The following KLHDC4 variants were observed in gnomAD, a reference collection of about 807,000 sequenced individuals.
KLHDC4 encodes kelch domain containing 4.
In KLHDC4, 90 loss-of-function variants were observed where a neutral mutation model predicts 62.4. The observed-to-expected ratio is 1.44, with a 90% CI of 1.22 to 1.72. KLHDC4 has a LOEUF of 1.72. KLHDC4 is among the 40% of genes most tolerant of loss of function. The pLI is 0.00. For missense variants in KLHDC4, 1,025 were observed against 699.7 expected, an observed-to-expected ratio of 1.47 and a Z score of -5.25; for synonymous variants, 386 against 284.4, an observed-to-expected ratio of 1.36 and a Z score of -3.59.
At chr16:87,748,593 G>A in intron 5 of KLHDC4, 80 bp downstream of exon 5, 1 of 1,562,466 alleles carries the variant, frequency 6.4e-7, no homozygotes, top group South Asian at 1.2e-5. Context: ...GTATTCTGAG[G>A]TCTGCTCCGA....
chr16:87,715,117 G>A (rs2036683509), intron 7 of KLHDC4, among the ~76,000 whole-genome samples: 1 of 152,168 alleles, frequency 6.6e-6, no homozygotes, highest in African/African-American at 2.4e-5. Flanking sequence ...CTGTTCCCCA[G>A]CACCCATGCC....
chr16:87,706,428 G>A (rs957025216), downstream of KLHDC4, among the ~76,000 whole-genome samples: 1 of 142,492 alleles, frequency 7.0e-6, no homozygotes. Flanking sequence ...GCAGCCTCCA[G>A]GGGGGTCGGC....
chr16:87,725,390 C>T (rs2039174635), intron 7 of KLHDC4, among the ~76,000 whole-genome samples: 1 of 152,178 alleles, frequency 6.6e-6, no homozygotes, highest in South Asian at 2.1e-4. Flanking sequence ...TGGTCTCGAT[C>T]TCTTGACCTC....
At chr16:87,718,923 T>C (rs1247454635) in intron 7 of KLHDC4, among the ~76,000 whole-genome samples, 1 of 150,066 alleles carries the variant, frequency 6.7e-6, no homozygotes, top group Non-Finnish European at 1.5e-5. Flanking sequence ...CGCCACCCTG[T>C]CTGGGAGGTG....
At chr16:87,727,860 C>T (rs1459568583) in intron 6 of KLHDC4, among the ~76,000 whole-genome samples, 2 of 152,124 alleles carry the variant, frequency 1.3e-5, no homozygotes, top group African/African-American at 2.4e-5. Context: ...AGTCACAGGG[C>T]GTTTACCCAG....
At position 87,765,960 on chromosome 16, in the gene KLHDC4, G is replaced by C. The variant is rs1439492335; in HGVS notation, c.-70C>G. 4.2e-6 allele frequency: 6 copies of C among 1,440,898 alleles called. No homozygotes were observed. Among genetic ancestry groups the C allele is most frequent in the African/African-American group, 1.4e-5 (1 of 70,872 alleles). The allele number at this position is 1,440,898 out of a possible 1,614,324, so 89.3% of individuals were successfully genotyped here. A position where few individuals can be genotyped will look rare whatever the true frequency, so the allele number is the denominator to read the frequency against. On this transcript the variant is annotated 5_prime_UTR_variant, in exon 1 of 12. Transcript: ENST00000270583. ...GCCCGCGCTCTCCGCTCGGAAACAGGTGCTCGTGGGGCGGAGCTCGGCGCA... is the reference window on the plus strand; with the variant it reads ...GCCCGCGCTCTCCGCTCGGAAACAGCTGCTCGTGGGGCGGAGCTCGGCGCA...
At chr16:87,710,975 T>G (rs1597385861) in intron 9 of KLHDC4, 1 of 470,888 alleles carries the variant, frequency 2.1e-6, no homozygotes, top group Non-Finnish European at 3.8e-6. Context: ...GCCGGGGAGG[T>G]CCCGGGCACC....
intron 5 of KLHDC4, among the ~76,000 whole-genome samples, chr16:87,744,338 C>T (rs1002891757): frequency 6.6e-6 from 1 of 151,836 alleles, no homozygotes; most frequent in Non-Finnish European, 1.5e-5. Flanking sequence ...TTGCTTGAAC[C>T]TCTGAGGTGG....
rs771736534 is a variant in KLHDC4 at position 87,709,542 on chromosome 16, G to A, written c.1170C>T (p.Ala390=). Residue 390 remains alanine (A), a synonymous_variant, in exon 10 of 12, where the codon GCC becomes GCT. Transcript: ENST00000270583. ...GPVQLVKEVV[A]EDGTVVTIKQ... ...TAATGGTGACCACGGTGCCATCCTC[G>A]GCCACCACCTCCTTGACCAGCTGCA... 3.1e-6 allele frequency: 5 copies of A among 1,612,518 alleles called. No individual in the cohort carries two copies. The highest frequency in any genetic ancestry group is 1.1e-5 in the South Asian group (1 of 91,084).
intron 4 of KLHDC4, among the ~76,000 whole-genome samples, chr16:87,754,650 C>G (rs1166818211): frequency 6.6e-6 from 1 of 152,196 alleles, no homozygotes; most frequent in African/African-American, 2.4e-5. Context: ...GAACAATGGA[C>G]AAGGACAGAG....
chr16:87,761,509 C>T (rs534858530), intron 2 of KLHDC4, among the ~76,000 whole-genome samples: 1 of 152,308 alleles, frequency 6.6e-6, no homozygotes, highest in East Asian at 1.9e-4. Flanking sequence ...ATTTTCAAAT[C>T]CATTTAAAAT....
At chr16:87,758,136 T>C (rs747222088) in intron 2 of KLHDC4, among the ~76,000 whole-genome samples, 3 of 152,206 alleles carry the variant, frequency 2.0e-5, no homozygotes, top group Non-Finnish European at 4.4e-5. Context: ...TTTATTTGCA[T>C]AGAAACATGT....
chr16:87,705,980 T>C (rs2034626687), downstream of KLHDC4, among the ~76,000 whole-genome samples: 1 of 149,944 alleles, frequency 6.7e-6, no homozygotes, highest in Non-Finnish European at 1.5e-5. Flanking sequence ...GCGGGGTCGG[T>C]GCAACACAAA....
At chr16:87,745,035 G>T (rs895159670) in intron 5 of KLHDC4, among the ~76,000 whole-genome samples, 3 of 152,240 alleles carry the variant, frequency 2.0e-5, no homozygotes, top group Admixed American at 6.5e-5. Context: ...AGCATATGTT[G>T]TTCTGCATCC....
chr16:87,731,127 G>A (rs990108937), intron 5 of KLHDC4: 1 of 126,466 alleles, frequency 7.9e-6, no homozygotes, highest in South Asian at 2.5e-4. Flanking sequence ...TCAGTGGCCA[G>A]ATCTCGGCTC....
rs567529650 is a variant in KLHDC4, at chr16:87,758,024, G to A, written c.192-1547C>T. Among the ~76,000 whole-genome samples, 38 of 152,318 alleles carry A rather than the reference G, an allele frequency of 2.5e-4. No individual in the cohort carries two copies. In the South Asian group the frequency reaches 5.4e-3, roughly 22 times the overall value. ...CCTCTAAGACGGCGTTCCCCAAGGC[G>A]TGCTCCATAATGCCAACTCCAAAAG... On this transcript the variant is annotated intron_variant, in intron 2 of 11. Coordinates refer to ENST00000270583, the MANE Select transcript of KLHDC4 (RefSeq NM_017566.4).
At chr16:87,702,889 C>G (rs573022391), downstream of KLHDC4, 16 of 152,640 alleles carry the variant, frequency 1.0e-4, no homozygotes, top group African/African-American at 3.6e-4. Flanking sequence ...TTACCCTGAG[C>G]CTTTTTTCTT....
intron 2 of KLHDC4, among the ~76,000 whole-genome samples, chr16:87,756,959 G>A (rs1055753795): frequency 1.1e-4 from 16 of 152,002 alleles, no homozygotes; most frequent in Admixed American, 2.6e-4. Context: ...GATTGCAGGT[G>A]CCCACCACCA....
intron 5 of KLHDC4, among the ~76,000 whole-genome samples, chr16:87,747,365 A>C (rs1380445032): frequency 6.6e-6 from 1 of 152,244 alleles, no homozygotes; most frequent in Admixed American, 6.5e-5. Flanking sequence ...AATCAGTAAC[A>C]AGCGGGCTCC....
Sources: allele counts gnomAD v4.1 joint callset (sites outside exome capture counted in the v4.1 genomes callset), GRCh38; gene constraint gnomAD v4.1.1; transcripts MANE v1.5; gene names NCBI Gene and HGNC (gene_info 2026-07-23, HGNC 2026-07-21).